Variants in PDE9A observed in about 807,000 individuals in gnomAD.
PDE9A encodes high affinity cGMP-specific 3',5'-cyclic phosphodiesterase 9A.
In PDE9A, 60 loss-of-function variants were observed where a neutral mutation model predicts 87.4. The observed-to-expected ratio is 0.69, with a 90% confidence interval of 0.56 to 0.85. The LOEUF (loss-of-function observed/expected upper bound fraction) is 0.85. Ranked by LOEUF, PDE9A falls within the 40% of genes least tolerant of loss-of-function variation. PDE9A has a pLI of 0.00. For synonymous variants in PDE9A, 272 were observed against 279.4 expected, an observed-to-expected ratio of 0.97 and a Z score of 0.27; for missense variants, 665 against 779.0, an observed-to-expected ratio of 0.85 and a Z score of 1.74.
chr21:42,712,815 C>G (rs563627111), intron 4 of PDE9A, among the ~76,000 whole-genome samples: 1 of 152,228 alleles, frequency 6.6e-6, no homozygotes, highest in African/African-American at 2.4e-5. Flanking sequence ...TCCTTGTTTT[C>G]TAATGGTTTT....
At chr21:42,753,148 A>G (rs2054613663) in intron 9 of PDE9A, among the ~76,000 whole-genome samples, 1 of 152,160 alleles carries the variant, frequency 6.6e-6, no homozygotes, top group Admixed American at 6.5e-5. Context: ...CTGGGATTAC[A>G]GGCACCTGCC....
intron 1 of PDE9A, among the ~76,000 whole-genome samples, chr21:42,661,264 T>G (rs1223364819): frequency 2.0e-5 from 3 of 151,648 alleles, no homozygotes; most frequent in Non-Finnish European, 4.4e-5. Flanking sequence ...CTCCTGACCA[T>G]GTGATCCGCC....
chr21:42,762,867 AT>A (rs1284438651), intron 14 of PDE9A, among the ~76,000 whole-genome samples: 1 of 151,992 alleles, frequency 6.6e-6, no homozygotes, highest in Non-Finnish European at 1.5e-5. Flanking sequence ...AATTTTCGGT[AT>A]TTTTAATAGA....
intron 7 of PDE9A, chr21:42,733,763 T>C: frequency 3.2e-6 from 1 of 315,396 alleles, no homozygotes; most frequent in Non-Finnish European, 6.0e-6. Flanking sequence ...AATGAAGACA[T>C]TCTCTGCACA....
intron 7 of PDE9A, chr21:42,733,723 G>A (rs998394340): frequency 9.6e-5 from 40 of 415,992 alleles, no homozygotes; most frequent in African/African-American, 5.7e-4. Flanking sequence ...AACCTCTGCT[G>A]AGTGTCTTGT....
In PDE9A at chr21:42,659,050, C is replaced by G. The variant is rs1449779571; in HGVS notation, c.69+5167C>G. 6.6e-6 allele frequency among the ~76,000 whole-genome samples: 1 copy of G among 152,152 alleles called. No individual in the cohort carries two copies. Among genetic ancestry groups the G allele is most frequent in the East Asian group, 1.9e-4 (1 of 5,184 alleles). On this transcript the variant is annotated intron_variant, in intron 1 of 19. Transcript: ENST00000291539. This position sits in a 1 kb window ranked among gnomAD's most constrained non-coding sequence, Gnocchi z 4.1. Reference sequence around the variant, plus strand: ...GGTTTTTGGTTCCTTTTTCAACCAGCAATCAGCCATGAAGTGCCTGACCAC... The same window carrying G: ...GGTTTTTGGTTCCTTTTTCAACCAGGAATCAGCCATGAAGTGCCTGACCAC...
At chr21:42,742,028 GC>G (rs919022675) in intron 7 of PDE9A, among the ~76,000 whole-genome samples, 2 of 152,200 alleles carry the variant, frequency 1.3e-5, no homozygotes, top group Non-Finnish European at 2.9e-5. Context: ...TAATTGAAAA[GC>G]CGTGCAAAGC....
chr21:42,773,712 A>T (rs926716763), intron 19 of PDE9A, among the ~76,000 whole-genome samples: 14 of 146,508 alleles, frequency 9.6e-5, no homozygotes, highest in Middle Eastern at 4.0e-3. Flanking sequence ...GAGGCAGGAG[A>T]ATGGAGTGAA....
At chr21:42,670,319 C>T (rs571789155) in intron 1 of PDE9A, among the ~76,000 whole-genome samples, 4 of 115,234 alleles carry the variant, frequency 3.5e-5, no homozygotes, top group African/African-American at 1.8e-4. Flanking sequence ...AGACACCACA[C>T]TCACATTCAC....
chr21:42,717,556 A>AAAAT (rs57825675), intron 4 of PDE9A, among the ~76,000 whole-genome samples: 1 of 149,258 alleles, frequency 6.7e-6, no homozygotes, highest in Non-Finnish European at 1.5e-5. Flanking sequence ...AAAAAAAAAA[A>AAAAT]TTTTTTTGTA....
At chr21:42,742,895 T>A (rs1053061506) in intron 7 of PDE9A, among the ~76,000 whole-genome samples, 1 of 152,150 alleles carries the variant, frequency 6.6e-6, no homozygotes, top group East Asian at 1.9e-4. Flanking sequence ...GCGCTGATCT[T>A]AGGAGCAATT....
chr21:42,711,296 A>G (rs1367166563), intron 4 of PDE9A, among the ~76,000 whole-genome samples: 2 of 146,040 alleles, frequency 1.4e-5, no homozygotes, highest in Admixed American at 1.4e-4. Context: ...CTTGTTGCCC[A>G]GGCTGGGGTG....
At position 42,659,646 on chromosome 21, in the gene PDE9A, T is replaced by C. The variant is rs551199483; in HGVS notation, c.69+5763T>C. ...GCCCGGAAGACTCTGGAAGCAGCAG[T>C]GGCAGCACCTTCCTGTCACTTGTCT... On this transcript the variant is annotated intron_variant, in intron 1 of 19. Transcript: ENST00000291539. The surrounding 1 kb of genome is among the most constrained non-coding windows in gnomAD (Gnocchi z 4.1). Among the ~76,000 whole-genome samples, 43 of 152,300 alleles carry C rather than the reference T, an allele frequency of 2.8e-4. No individual in the cohort carries two copies. In the South Asian group the frequency reaches 8.7e-3, roughly 31 times the overall value.
chr21:42,733,615 C>A, intron 7 of PDE9A, 189 bp downstream of exon 7: 1 of 588,028 alleles, frequency 1.7e-6, no homozygotes. Context: ...CATTTTATTT[C>A]TATTTTAAAA....
intron 1 of PDE9A, among the ~76,000 whole-genome samples, chr21:42,665,910 C>A (rs2057937591): frequency 1.3e-5 from 2 of 152,228 alleles, no homozygotes; most frequent in Admixed American, 6.5e-5. Context: ...TCCTGATGCT[C>A]CCCTGGGCAC....
At chr21:42,677,059 G>A (rs1393604806) in intron 1 of PDE9A, among the ~76,000 whole-genome samples, 1 of 152,206 alleles carries the variant, frequency 6.6e-6, no homozygotes, top group Non-Finnish European at 1.5e-5. Flanking sequence ...AGGGTAGTGT[G>A]ATGGAAAGAC....
At chr21:42,658,578 C>A (rs966004186) in intron 1 of PDE9A, among the ~76,000 whole-genome samples, 1 of 152,236 alleles carries the variant, frequency 6.6e-6, no homozygotes, top group Non-Finnish European at 1.5e-5. Flanking sequence ...TCAGCCCACA[C>A]GCGCAGTGCC....
intron 4 of PDE9A, among the ~76,000 whole-genome samples, chr21:42,728,264 CT>C (rs1296596532): frequency 1.3e-5 from 2 of 152,146 alleles, no homozygotes; most frequent in South Asian, 4.1e-4. Context: ...TTTTGGCATC[CT>C]TGTGGGGAGT....
intron 19 of PDE9A, among the ~76,000 whole-genome samples, chr21:42,775,013 C>T (rs1200774228): frequency 6.6e-6 from 1 of 151,260 alleles, no homozygotes; most frequent in African/African-American, 2.4e-5. Context: ...GCAATCTCGG[C>T]TCACTGCAAT....
Sources: allele counts gnomAD v4.1 joint callset (sites outside exome capture counted in the v4.1 genomes callset), GRCh38; gene constraint gnomAD v4.1.1; non-coding constraint Gnocchi (gnomAD v3.1); transcripts MANE v1.5; gene names NCBI Gene and HGNC (gene_info 2026-07-23, HGNC 2026-07-21).